The following ALK variants were observed in gnomAD, a reference collection of about 807,000 sequenced individuals.
ALK encodes ALK tyrosine kinase receptor.
In ALK, 74 loss-of-function variants were observed where a neutral mutation model predicts 163.1. That is an observed-to-expected ratio of 0.45 (90% CI 0.38 to 0.55). ALK has a LOEUF of 0.55. Ranked by LOEUF, ALK falls within the 20% of genes least tolerant of loss-of-function variation. The probability of loss-of-function intolerance (pLI) is 0.00; values close to 1 mark genes in which losing one functional copy is unlikely to be tolerated. For missense variants in ALK, 2,063 were observed against 2,105.3 expected (o/e 0.98, Z 0.39); for synonymous variants, 960 against 843.2 (o/e 1.14, Z -2.40).
At chr2:29,488,872 G>A (rs559080587) in intron 4 of ALK, among the ~76,000 whole-genome samples, 112 of 152,244 alleles carry the variant, frequency 7.4e-4, no homozygotes, top group African/African-American at 2.7e-3. Context: ...CTTTGGTTTC[G>A]TAGAGCAAAG....
chr2:29,553,870 T>G (rs943903325), intron 3 of ALK, among the ~76,000 whole-genome samples: 1 of 151,964 alleles, frequency 6.6e-6, no homozygotes, highest in Non-Finnish European at 1.5e-5. Context: ...GAATTGTCTG[T>G]TTTTTTTGTT....
At chr2:29,821,485 G>C (rs1050293844) in intron 1 of ALK, among the ~76,000 whole-genome samples, 1 of 152,140 alleles carries the variant, frequency 6.6e-6, no homozygotes, top group African/African-American at 2.4e-5. Context: ...AGGGCCAAGA[G>C]GTTCTCATAT....
At chr2:29,793,040 G>T (rs529257857) in intron 1 of ALK, among the ~76,000 whole-genome samples, 1 of 152,174 alleles carries the variant, frequency 6.6e-6, no homozygotes, top group African/African-American at 2.4e-5. Context: ...TTTGCCCACA[G>T]TAAATCTTTC....
intron 3 of ALK, among the ~76,000 whole-genome samples, chr2:29,535,020 T>C (rs918638106): frequency 3.9e-5 from 6 of 152,230 alleles, no homozygotes; most frequent in Admixed American, 1.3e-4. Flanking sequence ...AGGGAAAAAA[T>C]ACATTTCATA....
rs79009208 is a variant in ALK, at chr2:29,773,367, G to A, written c.668-55670C>T. Among the ~76,000 whole-genome samples, 786 of 152,232 alleles carry A rather than the reference G, an allele frequency of 5.2e-3. 6 individuals are homozygous for A. Among genetic ancestry groups the A allele is most frequent in the African/African-American group, 0.018 (750 of 41,548 alleles). On this transcript the variant is annotated intron_variant, in intron 1 of 28. Coordinates refer to ENST00000389048, the MANE Select transcript of ALK (RefSeq NM_004304.5). ...AATCCTATGTAGAAACAGAGAATTG[G>A]CCAAAACAATCTTTCAGGGGCCCTC...
chr2:29,702,461 G>A (rs1678771883), intron 2 of ALK, among the ~76,000 whole-genome samples: 1 of 152,158 alleles, frequency 6.6e-6, no homozygotes, highest in African/African-American at 2.4e-5. Context: ...TGCCCTAGGT[G>A]AGGACTGAGT....
intron 4 of ALK, among the ~76,000 whole-genome samples, chr2:29,414,564 A>G (rs898313415): frequency 9.2e-5 from 14 of 152,100 alleles, no homozygotes; most frequent in Admixed American, 2.0e-4. Context: ...AAAATAAAAG[A>G]CCCCTTGCTC....
At chr2:29,333,191 C>T (rs148002747) in intron 5 of ALK, among the ~76,000 whole-genome samples, 38 of 152,298 alleles carry the variant, frequency 2.5e-4, no homozygotes, top group African/African-American at 8.4e-4. Flanking sequence ...TCTCAGCTCA[C>T]GGCAACCTCC....
chr2:29,676,152 T>C (rs1326817460), intron 3 of ALK, among the ~76,000 whole-genome samples: 3 of 152,196 alleles, frequency 2.0e-5, no homozygotes, highest in East Asian at 3.9e-4. Context: ...TGTGGCTTGA[T>C]TTTTCATTTT....
intron 1 of ALK, among the ~76,000 whole-genome samples, chr2:29,797,745 A>C (rs771228643): frequency 3.9e-5 from 6 of 152,146 alleles, no homozygotes; most frequent in Non-Finnish European, 8.8e-5. Flanking sequence ...TCATCTCCAT[A>C]TCCATGCACA....
In ALK at chr2:29,863,900, T is replaced by C. The variant is rs373593566; in HGVS notation, c.667+56093A>G. ...GACCTGCATTGAGGTCTGAAGGCTTTCCCACATTTTCTGGCTTCTCCTCTT... is the reference window on the plus strand; with the variant it reads ...GACCTGCATTGAGGTCTGAAGGCTTCCCCACATTTTCTGGCTTCTCCTCTT... On this transcript the variant is annotated intron_variant, in intron 1 of 28. Transcript: ENST00000389048. Among the ~76,000 whole-genome samples, 71 of 152,278 alleles carry C rather than the reference T, an allele frequency of 4.7e-4. 1 individual carries two copies. The highest frequency in any genetic ancestry group is 1.7e-3 in the African/African-American group (70 of 41,564).
intron 1 of ALK, among the ~76,000 whole-genome samples, chr2:29,877,960 AC>A (rs1237966110): frequency 6.6e-6 from 1 of 152,206 alleles, no homozygotes; most frequent in Non-Finnish European, 1.5e-5. Context: ...GAGAGACATG[AC>A]TACCAGATTA....
chr2:29,919,742 C>T (rs895952850), intron 1 of ALK, among the ~76,000 whole-genome samples: 1 of 152,076 alleles, frequency 6.6e-6, no homozygotes, highest in African/African-American at 2.4e-5. Flanking sequence ...GAGAAGAAGG[C>T]GCTCTGCCAA....
rs545854815 is a variant in ALK, at chr2:29,660,373, T to C, written c.952+34477A>G. Among the ~76,000 whole-genome samples the C allele has an allele frequency of 1.4e-4, 21 of 151,776 alleles. No homozygotes were observed. In the South Asian group the frequency reaches 2.7e-3, roughly 20 times the overall value. ...TCAGAGGAACTGGAAACAAGAAGAG[T>C]TGCCAAGACAGGTGGGCAAATATGC... On this transcript the variant is annotated intron_variant, in intron 3 of 28. Coordinates refer to ENST00000389048, the MANE Select transcript of ALK (RefSeq NM_004304.5).
At chr2:29,801,363 A>G (rs527352260) in intron 1 of ALK, among the ~76,000 whole-genome samples, 73 of 152,350 alleles carry the variant, frequency 4.8e-4, no homozygotes, top group African/African-American at 1.7e-3. Flanking sequence ...AGACAGTTTT[A>G]TTAAAAAAAC....
At chr2:29,339,476 AC>A (rs1239406673) in intron 5 of ALK, among the ~76,000 whole-genome samples, 3 of 152,214 alleles carry the variant, frequency 2.0e-5, no homozygotes, top group Non-Finnish European at 4.4e-5. Context: ...CCAAGGCCCA[AC>A]CAGGCAGGAC....
At chr2:29,593,099 T>G (rs1234574720) in intron 3 of ALK, among the ~76,000 whole-genome samples, 1 of 152,044 alleles carries the variant, frequency 6.6e-6, no homozygotes, top group Non-Finnish European at 1.5e-5. Flanking sequence ...GACAGAGGGG[T>G]ATGGACTGGG....
chr2:29,636,333 GAAAGAAAGAAAAGAAAAGAAAAGA>G (rs1217104164), intron 3 of ALK, among the ~76,000 whole-genome samples: 6 of 132,766 alleles, frequency 4.5e-5, no homozygotes, highest in African/African-American at 1.4e-4. Context: ...CAAAAATAAA[GAAAGAAAGAAAAGAAAAGAAAAGA>G]AAAGAAAAGA....
chr2:29,353,390 T>C lies in ALK; in HGVS notation c.1283-24909A>G, dbSNP rs182450180. ...TTTTTTCACTTTTTGTGTATTTACA[T>C]TTTGCAATTACTCCAATTTTCAGGG... On this transcript the variant is annotated intron_variant, in intron 5 of 28. Transcript: ENST00000389048. 2.9e-3 allele frequency among the ~76,000 whole-genome samples: 446 copies of C among 152,360 alleles called. 2 individuals are homozygous for C. The highest frequency in any genetic ancestry group is 0.01 in the African/African-American group (424 of 41,582).
Sources: allele counts gnomAD v4.1 joint callset (sites outside exome capture counted in the v4.1 genomes callset), GRCh38; gene constraint gnomAD v4.1.1; transcripts MANE v1.5; gene names NCBI Gene and HGNC (gene_info 2026-07-23, HGNC 2026-07-21).